Variants in CDC14B observed in about 807,000 individuals in gnomAD.
The protein encoded by CDC14B is dual specificity protein phosphatase CDC14B.
Under a neutral mutation model 64.2 loss-of-function variants are expected in CDC14B, and 22 were observed. The observed-to-expected ratio is 0.34, with a 90% CI of 0.24 to 0.49. CDC14B has a LOEUF of 0.49. Ranked by LOEUF, CDC14B falls within the 20% of genes least tolerant of loss-of-function variation. The pLI, the probability that CDC14B is intolerant of heterozygous loss-of-function variation, is 0.99. For missense variants in CDC14B, 498 were observed against 629.9 expected (o/e 0.79, Z 2.24); for synonymous variants, 191 against 215.8 (o/e 0.89, Z 1.01).
intron 12 of CDC14B, among the ~76,000 whole-genome samples, chr9:96,521,462 A>G (rs1474159361): frequency 6.6e-6 from 1 of 152,352 alleles, no homozygotes; most frequent in Middle Eastern, 3.4e-3. Flanking sequence ...CCTATAATCA[A>G]AATGGATGCC....
chr9:96,516,135 C>T (rs1012230067), intron 12 of CDC14B, among the ~76,000 whole-genome samples: 7 of 152,062 alleles, frequency 4.6e-5, no homozygotes, highest in African/African-American at 1.4e-4. Context: ...CTAAAGCAAA[C>T]CACAAGGGGC....
intron 1 of CDC14B, among the ~76,000 whole-genome samples, chr9:96,590,443 G>C (rs1011383973): frequency 1.3e-5 from 2 of 152,132 alleles, no homozygotes; most frequent in Non-Finnish European, 2.9e-5. Flanking sequence ...AAAAATGCTG[G>C]ACTGGACATA....
At chr9:96,495,310 C>T (rs1296635863), downstream of CDC14B, among the ~76,000 whole-genome samples, 1 of 138,918 alleles carries the variant, frequency 7.2e-6, no homozygotes, top group Non-Finnish European at 1.5e-5. Context: ...CAGGGTAAGA[C>T]ATTTCTCAAG....
At chr9:96,497,034 G>A (rs923046082), downstream of CDC14B, among the ~76,000 whole-genome samples, 6 of 152,228 alleles carry the variant, frequency 3.9e-5, no homozygotes, top group African/African-American at 1.2e-4. Flanking sequence ...AAAAGACGTC[G>A]TTTAACACAG....
At chr9:96,609,093 T>G (rs1374482749) in intron 1 of CDC14B, among the ~76,000 whole-genome samples, 1 of 152,112 alleles carries the variant, frequency 6.6e-6, no homozygotes, top group African/African-American at 2.4e-5. Context: ...GCCTCCTGAG[T>G]AGCTGAGATT....
chr9:96,595,949 A>G lies in CDC14B; in HGVS notation c.160+23270T>C, dbSNP rs940539357. ...AAAAGCTTTAAAAATATTTAAAGTT[A>G]AATAATTGACATTTGAATACTATAT... On this transcript the variant is annotated intron_variant, in intron 1 of 13. Coordinates refer to ENST00000375241, the MANE Select transcript of CDC14B (RefSeq NM_033331.4). 2.0e-5 allele frequency among the ~76,000 whole-genome samples: 3 copies of G among 152,230 alleles called. 1 individual carries two copies. In the South Asian group the frequency reaches 6.2e-4, roughly 32 times the overall value.
intron 1 of CDC14B, among the ~76,000 whole-genome samples, chr9:96,608,921 AC>A (rs201429968): frequency 0.044 from 6,680 of 151,450 alleles, 513 homozygotes; most frequent in African/African-American, 0.15. Flanking sequence ...ACACACACAC[AC>A]ACACGAAAAG....
intron 12 of CDC14B, among the ~76,000 whole-genome samples, chr9:96,521,140 G>A (rs1052915996): frequency 2.0e-5 from 3 of 152,140 alleles, no homozygotes; most frequent in African/African-American, 7.2e-5. Context: ...CACGATCTCG[G>A]CTCAATGCAA....
At chr9:96,539,795 T>C (rs1325044144) in intron 6 of CDC14B, among the ~76,000 whole-genome samples, 1 of 152,208 alleles carries the variant, frequency 6.6e-6, no homozygotes, top group Admixed American at 6.5e-5. Context: ...CAGAGTATGA[T>C]AACCAAAATA....
intron 1 of CDC14B, among the ~76,000 whole-genome samples, chr9:96,605,645 G>A (rs1846851734): frequency 6.6e-6 from 1 of 152,158 alleles, no homozygotes; most frequent in Non-Finnish European, 1.5e-5. Context: ...ATCTGTTCTG[G>A]GGAATGCAAA....
intron 1 of CDC14B, among the ~76,000 whole-genome samples, chr9:96,602,563 A>C (rs2118852307): frequency 6.6e-6 from 1 of 151,638 alleles, no homozygotes; most frequent in East Asian, 1.9e-4. Context: ...GAACTTGTGC[A>C]GGGAAACTCC....
chr9:96,570,030 G>A (rs769108662), intron 1 of CDC14B, among the ~76,000 whole-genome samples: 19 of 152,076 alleles, frequency 1.2e-4, no homozygotes, highest in Non-Finnish European at 1.6e-4. Flanking sequence ...CATCCCTGTC[G>A]CACCACATCA....
chr9:96,523,549 A>G (rs1472159268), intron 10 of CDC14B, 38 bp downstream of exon 10: 8 of 1,612,900 alleles, frequency 5.0e-6, no homozygotes, highest in South Asian at 3.3e-5. Context: ...CCAACCCCAC[A>G]TGTTCCCTGG....
At chr9:96,566,113 T>C (rs936142366) in intron 1 of CDC14B, among the ~76,000 whole-genome samples, 1 of 152,174 alleles carries the variant, frequency 6.6e-6, no homozygotes, top group African/African-American at 2.4e-5. Context: ...TTGTGTTGCA[T>C]AAATGCAGTT....
chr9:96,564,911 C>CT (rs1480720245), intron 2 of CDC14B, 59 bp from the exon 3 acceptor site: 2 of 1,112,646 alleles, frequency 1.8e-6, no homozygotes, highest in South Asian at 1.4e-5. Context: ...ATATAAATGC[C>CT]TTTTTTGGGT....
intron 13 of CDC14B, among the ~76,000 whole-genome samples, chr9:96,509,185 T>G (rs568119998): frequency 6.6e-6 from 1 of 152,332 alleles, no homozygotes; most frequent in Admixed American, 6.5e-5. Flanking sequence ...AAATTCTGCC[T>G]ACACTCACTG....
chr9:96,591,458 C>T (rs895312724), intron 1 of CDC14B, among the ~76,000 whole-genome samples: 1 of 152,104 alleles, frequency 6.6e-6, no homozygotes, highest in Non-Finnish European at 1.5e-5. Context: ...ATGCCAGTAT[C>T]ATACTGCTTT....
chr9:96,572,951 T>C (rs1478163100), intron 1 of CDC14B, among the ~76,000 whole-genome samples: 5 of 152,146 alleles, frequency 3.3e-5, no homozygotes, highest in Non-Finnish European at 7.4e-5. Flanking sequence ...AGAAAGGAAA[T>C]CAGAGAAAAC....
At chr9:96,555,576 G>T (rs1842400987) in intron 4 of CDC14B, among the ~76,000 whole-genome samples, 2 of 152,338 alleles carry the variant, frequency 1.3e-5, no homozygotes, top group South Asian at 4.1e-4. Context: ...GTGTGCAGTA[G>T]CACACTCAAT....
Sources: allele counts gnomAD v4.1 joint callset (sites outside exome capture counted in the v4.1 genomes callset), GRCh38; gene constraint gnomAD v4.1.1; transcripts MANE v1.5; gene names NCBI Gene and HGNC (gene_info 2026-07-23, HGNC 2026-07-21).